SZT2: variants seen among roughly 807,000 people sequenced by gnomAD.
The protein encoded by SZT2 is KICSTOR complex protein SZT2.
In SZT2, 216 loss-of-function variants were observed where a neutral mutation model predicts 404.2. The observed-to-expected ratio is 0.53, with a 90% CI of 0.48 to 0.60. The LOEUF is 0.60. Among genes scored for constraint, SZT2 ranks in the 20% least tolerant of loss-of-function variants. The pLI, the probability that SZT2 is intolerant of heterozygous loss-of-function variation, is 0.00. For missense variants in SZT2, 3,857 were observed against 4,459.2 expected, an observed-to-expected ratio of 0.86 and a Z score of 3.85; for synonymous variants, 1,693 against 1,749.9, an observed-to-expected ratio of 0.97 and a Z score of 0.81.
Position 43,420,306 on chromosome 1 carries a change from A to G in SZT2, c.1244A>G (p.Glu415Gly). 6.3e-7 allele frequency: 1 copy of G among 1,594,632 alleles called. No individual in the cohort carries two copies. The highest frequency in any genetic ancestry group is 8.5e-7 in the Non-Finnish European group (1 of 1,177,820). ...CTTCGAGAGGGCTACAGTGTCCGAG[A>G]GGTCACACTGGCCAAAGGTAAGGGT... ...VRLREGYSVR[E>G]VTLAKGGSQL... Residue 415 changes from glutamate to glycine, a missense_variant, in exon 9 of 72, where the codon GAG becomes GGG. Glu to Gly is a moderately conservative substitution (Grantham distance 98). Around this residue, in one of 7 missense-constraint regions of SZT2, gnomAD observed 536 missense variants for 637.4 expected, o/e 0.84. Coordinates refer to ENST00000634258, the MANE Select transcript of SZT2 (RefSeq NM_001365999.1). The surrounding 1 kb of genome is among the most constrained non-coding windows in gnomAD (Gnocchi z 5.1).
chr1:43,402,491 T>C (rs1649797355), intron 1 of SZT2, among the ~76,000 whole-genome samples: 1 of 152,154 alleles, frequency 6.6e-6, no homozygotes. Context: ...GCTGCCATAG[T>C]ATATGTGTGG....
chr1:43,451,428 A>G lies in SZT2; in HGVS notation c.*948A>G, dbSNP rs769354986. Reference sequence around the variant, plus strand: ...GCCTCACCTCGAGGCTGATACTCACAGCCCACGAAGCCTTTGTAGCCTTCA... The same window carrying G: ...GCCTCACCTCGAGGCTGATACTCACGGCCCACGAAGCCTTTGTAGCCTTCA... On this transcript the variant is annotated 3_prime_UTR_variant, in exon 72 of 72. Transcript: ENST00000634258. 1.7e-5 allele frequency: 27 copies of G among 1,613,302 alleles called. No homozygotes were observed. The South Asian group carries it at 2.9e-4, about 17-fold the overall frequency.
chr1:43,410,554 CAAAAAAAAAAAA>C (rs34705523), intron 4 of SZT2: 2 of 41,040 alleles, frequency 4.9e-5, no homozygotes, highest in Non-Finnish European at 8.8e-5. Flanking sequence ...GACTCTGTCT[CAAAAAAAAAAAA>C]AAAAAAAAAA....
rs551152413 is a variant in SZT2, at chr1:43,431,879, G to A, written c.5252G>A (p.Arg1751His). Residue 1751 changes from arginine (R) to histidine (H), a missense_variant, in exon 36 of 72, where the codon CGT becomes CAT. Coordinates refer to ENST00000634258, the MANE Select transcript of SZT2 (RefSeq NM_001365999.1). Reference sequence around the variant, plus strand: ...CTGAGTTTTGTATTTGGGCCAGAGCGTTCCCTCACACAATTCAAGGAGGTA... The same window carrying A: ...CTGAGTTTTGTATTTGGGCCAGAGCATTCCCTCACACAATTCAAGGAGGTA... ...LPLSFVFGPE[R>H]SLTQFKEEFR... 12 of 1,614,160 alleles carry A rather than the reference G, an allele frequency of 7.4e-6. No homozygotes were observed. Among genetic ancestry groups the A allele is most frequent in the Admixed American group, 1.7e-5 (1 of 60,028 alleles).
intron 1 of SZT2, 133 bp downstream of exon 1, chr1:43,390,128 C>G (rs1269380871): frequency 9.3e-7 from 1 of 1,074,974 alleles, no homozygotes; most frequent in Non-Finnish European, 1.2e-6. Context: ...CAGCCCAGCC[C>G]GGAAGGCCCG....
rs1305179311 is a variant in SZT2 at position 43,440,618 on chromosome 1, C to T, written c.7344+32C>T. ...GAAGAAGTGGTGAAGTGGGCATCTACCTTTCTGCCTGCCTCCTAGCTCCTC... is the reference window on the plus strand; with the variant it reads ...GAAGAAGTGGTGAAGTGGGCATCTATCTTTCTGCCTGCCTCCTAGCTCCTC... On this transcript the variant is annotated intron_variant, in intron 52 of 71. Coordinates refer to ENST00000634258, the MANE Select transcript of SZT2 (RefSeq NM_001365999.1). 2.6e-6 allele frequency: 4 copies of T among 1,532,064 alleles called. 1 individual carries two copies. The highest frequency in any genetic ancestry group is 3.5e-6 in the Non-Finnish European group (4 of 1,139,908). 94.9% of individuals were successfully genotyped at this position (1,532,064 alleles called of 1,614,324 possible).
chr1:43,401,096 GT>G (rs1649628815), intron 1 of SZT2, among the ~76,000 whole-genome samples: 1 of 151,890 alleles, frequency 6.6e-6, no homozygotes. Context: ...TAATTTTTGT[GT>G]TTTTAGTAGT....
At chr1:43,431,148 A>G (rs1272265339) in intron 33 of SZT2, 58 bp downstream of exon 33, 1 of 1,592,312 alleles carries the variant, frequency 6.3e-7, no homozygotes, top group Non-Finnish European at 8.5e-7. Context: ...GGGACCACTA[A>G]GCGAATCTAG....
At position 43,441,107 on chromosome 1, in the gene SZT2, G is replaced by A; in HGVS notation, c.7345-107G>A. On this transcript the variant is annotated intron_variant, in intron 52 of 71. Transcript: ENST00000634258. This position sits in a 1 kb window ranked among gnomAD's most constrained non-coding sequence, Gnocchi z 4.8. ...CCAGCCCCTGGGGAAGCCAGGGTCT[G>A]AACCCAGACCTCTGAATCCTCCTAG... The A allele has an allele frequency of 4.2e-6, 6 of 1,435,750 alleles. No individual in the cohort carries two copies. The highest frequency in any genetic ancestry group is 5.7e-6 in the Non-Finnish European group (6 of 1,059,566). 88.9% of individuals were successfully genotyped at this position (1,435,750 alleles called of 1,614,324 possible). A position where few individuals can be genotyped will look rare whatever the true frequency, so the allele number is the denominator to read the frequency against.
Position 43,432,407 on chromosome 1 carries a change from C to G in SZT2, c.5410C>G (p.His1804Asp), listed in dbSNP as rs772312341. ...PSSAAWAWHS[H>D]EDRAEGIEGE... is the part of the protein sequence containing the mutation. ...TTCAGCGGCCTGGGCTTGGCACAGT[C>G]ATGAGGACAGGGCTGAAGGCATCGA... is the stretch of plus-strand genomic sequence containing the variant. The change falls in exon 37 of 72, where the codon CAT (histidine) becomes GAT (aspartate). Residue 1804 changes from histidine to aspartate, a missense_variant. This residue lies in a region of SZT2 where 1,725 missense variants were observed against 1,881.0 expected (regional missense o/e 0.92). Coordinates refer to ENST00000634258, the MANE Select transcript of SZT2 (RefSeq NM_001365999.1). 1.3e-6 allele frequency: 2 copies of G among 1,587,286 alleles called. No homozygotes were observed. Among genetic ancestry groups the G allele is most frequent in the Non-Finnish European group, 1.7e-6 (2 of 1,168,490 alleles).
Position 43,419,951 on chromosome 1 carries a change from G to C in SZT2, c.1090+7G>C. 1 of 1,598,174 alleles carries C rather than the reference G, an allele frequency of 6.3e-7. No individual in the cohort carries two copies. Among genetic ancestry groups the C allele is most frequent in the Non-Finnish European group, 8.5e-7 (1 of 1,179,588 alleles). On this transcript the variant is annotated splice_region_variant and intron_variant, in intron 8 of 71. Transcript: ENST00000634258. ...AACCCTGAATATTACTGCGGTGAGAGGCACACTGAGGTGGGTGTGGGAAGG... is the reference window on the plus strand; with the variant it reads ...AACCCTGAATATTACTGCGGTGAGACGCACACTGAGGTGGGTGTGGGAAGG...
intron 33 of SZT2, 62 bp downstream of exon 33, chr1:43,431,152 A>G (rs1326081910): frequency 6.3e-7 from 1 of 1,588,138 alleles, no homozygotes; most frequent in African/African-American, 1.4e-5. Flanking sequence ...CCACTAAGCG[A>G]ATCTAGAGCA....
chr1:43,439,058 A>C lies in SZT2; in HGVS notation c.6757A>C (p.Lys2253Gln). 6.2e-7 allele frequency: 1 copy of C among 1,614,082 alleles called. No individual in the cohort carries two copies. Among genetic ancestry groups the C allele is most frequent in the Non-Finnish European group, 8.5e-7 (1 of 1,180,018 alleles). ...CTTGCTCATCTTCCTGCACTCTCCCAAGTACACAGATAGCAACAGCCGGAA... is the reference window on the plus strand; with the variant it reads ...CTTGCTCATCTTCCTGCACTCTCCCCAGTACACAGATAGCAACAGCCGGAA... Reference protein sequence around the residue: ...QNLLIFLHSPKYTDSNSRNHF... With the variant: ...QNLLIFLHSPQYTDSNSRNHF... Residue 2253 changes from lysine to glutamine, a missense_variant, in exon 48 of 72, where the codon AAG (lysine) becomes CAG (glutamine). By Grantham distance (53) the Lys-to-Gln change is moderately conservative. This residue lies in a region of SZT2 where 261 missense variants were observed against 372.9 expected (regional missense o/e 0.70). Coordinates refer to ENST00000634258, the MANE Select transcript of SZT2 (RefSeq NM_001365999.1). The surrounding 1 kb of genome is among the most constrained non-coding windows in gnomAD (Gnocchi z 4.2).
chr1:43,414,893 A>G (rs1651517998), intron 4 of SZT2, among the ~76,000 whole-genome samples, 189 bp from the exon 5 acceptor site: 1 of 152,198 alleles, frequency 6.6e-6, no homozygotes, highest in Non-Finnish European at 1.5e-5. Context: ...ACTAATGACT[A>G]GGGACCTGGG....
chr1:43,434,366 A>G lies in SZT2; in HGVS notation c.5805-20A>G, dbSNP rs767932643. 1.0e-4 allele frequency: 163 copies of G among 1,576,962 alleles called. No homozygotes were observed. The highest frequency in any genetic ancestry group is 1.2e-4 in the Non-Finnish European group (138 of 1,161,466). ...ACTCCTCCCCACTGCAGTTCTGGTCAGATTATCCTTCCTTCCCAGGAGCCT... is the reference window on the plus strand; with the variant it reads ...ACTCCTCCCCACTGCAGTTCTGGTCGGATTATCCTTCCTTCCCAGGAGCCT... On this transcript the variant is annotated intron_variant, in intron 40 of 71. Transcript: ENST00000634258.
intron 7 of SZT2, among the ~76,000 whole-genome samples, chr1:43,417,415 A>G (rs1028919624): frequency 6.6e-6 from 1 of 152,308 alleles, no homozygotes; most frequent in Admixed American, 6.5e-5. Flanking sequence ...CAGCAGAGCA[A>G]AAGGAAGAGA....
At chr1:43,391,895 A>C (rs1242313657) in intron 1 of SZT2, among the ~76,000 whole-genome samples, 2 of 25,944 alleles carry the variant, frequency 7.7e-5, no homozygotes, top group Non-Finnish European at 1.7e-4. Context: ...TCCTGGCTAA[A>C]ACGGTGAAAC....
chr1:43,431,886 C>A lies in SZT2; in HGVS notation c.5259C>A (p.Leu1753=). 6.2e-7 allele frequency: 1 copy of A among 1,614,140 alleles called. No homozygotes were observed. Among genetic ancestry groups the A allele is most frequent in the South Asian group, 1.1e-5 (1 of 91,082 alleles). ...TTGTATTTGGGCCAGAGCGTTCCCT[C>A]ACACAATTCAAGGAGGTAAGTTGCC... ...LSFVFGPERS[L]TQFKEEFRRL... The change falls in exon 36 of 72, where the codon CTC becomes CTA. Residue 1753 remains leucine, a synonymous_variant. Coordinates refer to ENST00000634258, the MANE Select transcript of SZT2 (RefSeq NM_001365999.1).
In SZT2 at chr1:43,443,099, G is replaced by A. The variant is rs747590658; in HGVS notation, c.8419+13G>A. 8 of 1,611,590 alleles carry A rather than the reference G, an allele frequency of 5.0e-6. No homozygotes were observed. The South Asian group carries it at 8.8e-5, about 18-fold the overall frequency. On this transcript the variant is annotated intron_variant, in intron 59 of 71. Coordinates refer to ENST00000634258, the MANE Select transcript of SZT2 (RefSeq NM_001365999.1). ...GCAGAGCGCAGAGGTGAGGGTACTG[G>A]GCCAGGCAGCAGGGACAGGAAATCT... is the stretch of plus-strand genomic sequence containing the variant.
Sources: allele counts gnomAD v4.1 joint callset (sites outside exome capture counted in the v4.1 genomes callset), GRCh38; gene constraint gnomAD v4.1.1; regional missense constraint gnomAD v4.1.1; non-coding constraint Gnocchi (gnomAD v3.1); transcripts MANE v1.5; gene names NCBI Gene and HGNC (gene_info 2026-07-23, HGNC 2026-07-21).